TOMM70: variants seen among roughly 807,000 people sequenced by gnomAD.
TOMM70 encodes mitochondrial import receptor subunit TOM70.
Under a neutral mutation model 73.6 loss-of-function variants are expected in TOMM70, and 13 were observed. The ratio of observed to expected loss-of-function variants is 0.18; its 90% CI spans 0.11 to 0.28. The LOEUF (loss-of-function observed/expected upper bound fraction) is 0.28, where lower values mean the gene tolerates loss of function less well. Ranked by LOEUF, TOMM70 falls within the 10% of genes least tolerant of loss-of-function variation. The pLI is 1.00. For synonymous variants in TOMM70, 257 were observed against 271.2 expected, an observed-to-expected ratio of 0.95 and a Z score of 0.51; for missense variants, 609 against 747.5, an observed-to-expected ratio of 0.81 and a Z score of 2.16.
At chr3:100,376,506 T>C (rs1459959365) in intron 6 of TOMM70, among the ~76,000 whole-genome samples, 2 of 151,636 alleles carry the variant, frequency 1.3e-5, no homozygotes, top group Admixed American at 6.6e-5. Flanking sequence ...TATGACTACA[T>C]GCACATGCCA....
rs2919910 is a variant in TOMM70, at chr3:100,367,299, C to A, written c.1673+745G>T. The stretch of plus-strand genomic sequence containing the variant: ...GAAACACAATTTTTTTTTTACCAGC[C>A]TATATATATTCTGCCTACTGTAGAG... On this transcript the variant is annotated intron_variant, in intron 11 of 11. Transcript: ENST00000284320. Among the ~76,000 whole-genome samples the A allele has an allele frequency of 5.9e-5, 9 of 152,032 alleles. 1 individual carries two copies. The East Asian group carries it at 1.5e-3, about 26-fold the overall frequency.
intron 11 of TOMM70, among the ~76,000 whole-genome samples, chr3:100,367,590 AT>A (rs1411920491): frequency 3.3e-5 from 5 of 152,210 alleles, no homozygotes; most frequent in African/African-American, 1.2e-4. Flanking sequence ...CTAAAGTTTA[AT>A]ACTTGGCCTA....
intron 8 of TOMM70, 42 bp downstream of exon 8, chr3:100,373,496 A>C (rs758864336): frequency 1.3e-6 from 2 of 1,482,782 alleles, no homozygotes; most frequent in Non-Finnish European, 9.2e-7. Flanking sequence ...GCTGGAAAAT[A>C]AAAGTGATGT....
chr3:100,377,548 A>T (rs1489000780), intron 6 of TOMM70, 157 bp downstream of exon 6: 1 of 661,868 alleles, frequency 1.5e-6, no homozygotes, highest in Non-Finnish European at 2.5e-6. Context: ...TTTCAGATTC[A>T]CTGCACCAAC....
At position 100,390,956 on chromosome 3, in the gene TOMM70, G is replaced by A. The variant is rs536200214; in HGVS notation, c.325-3978C>T. 3.9e-4 allele frequency among the ~76,000 whole-genome samples: 59 copies of A among 151,322 alleles called. 1 individual carries two copies. Among genetic ancestry groups the A allele is most frequent in the Admixed American group, 1.3e-3 (20 of 15,162 alleles). On this transcript the variant is annotated intron_variant, in intron 1 of 11. Transcript: ENST00000284320. ...AGATCAAGACCATCCTGGCTAACACGGTGAAACCCCGTCTCTACTAAAAAT... is the reference window on the plus strand; with the variant it reads ...AGATCAAGACCATCCTGGCTAACACAGTGAAACCCCGTCTCTACTAAAAAT...
At chr3:100,378,101 G>A (rs377312011) in intron 5 of TOMM70, among the ~76,000 whole-genome samples, 189 bp from the exon 6 acceptor site, 29 of 152,054 alleles carry the variant, frequency 1.9e-4, no homozygotes, top group African/African-American at 6.0e-4. Context: ...AAAATTAGCC[G>A]GGCGTGGAGG....
At position 100,387,090 on chromosome 3, in the gene TOMM70, G is replaced by GT. The variant is rs1706700227; in HGVS notation, c.325-113dup. On this transcript the variant is annotated intron_variant, in intron 1 of 11. Coordinates refer to ENST00000284320, the MANE Select transcript of TOMM70 (RefSeq NM_014820.5). The stretch of plus-strand genomic sequence containing the variant: ...GGAAGACAGAATGGCTGTTTACAAT[G>GT]TAAGTTGCTTCATACAAATATCTTC... 4 of 1,108,368 alleles carry GT rather than the reference G, an allele frequency of 3.6e-6. No homozygotes were observed. In the East Asian group the frequency reaches 1.0e-4, roughly 28 times the overall value. The allele number at this position is 1,108,368 out of a possible 1,614,324, so 68.7% of individuals were successfully genotyped here.
At chr3:100,390,326 C>A (rs1706744117) in intron 1 of TOMM70, among the ~76,000 whole-genome samples, 1 of 152,074 alleles carries the variant, frequency 6.6e-6, no homozygotes, top group African/African-American at 2.4e-5. Flanking sequence ...CACTAAAATC[C>A]CATTATGAAA....
In TOMM70 at chr3:100,365,305, C is replaced by T. The variant is rs1706436874; in HGVS notation, c.*259G>A. 2.5e-6 allele frequency: 1 copy of T among 392,892 alleles called. No individual in the cohort carries two copies. Among genetic ancestry groups the T allele is most frequent in the Non-Finnish European group, 4.5e-6 (1 of 221,612 alleles). The allele number at this position is 392,892 out of a possible 1,614,324, so 24.3% of individuals were successfully genotyped here. A position where few individuals can be genotyped will look rare whatever the true frequency, so the allele number is the denominator to read the frequency against. ...TTTGCATGGCCAATTATCATTTGTA[C>T]TCTTTGCAACTTTATTTAAAAATCC... On this transcript the variant is annotated 3_prime_UTR_variant, in exon 12 of 12. Coordinates refer to ENST00000284320, the MANE Select transcript of TOMM70 (RefSeq NM_014820.5).
At position 100,377,752 on chromosome 3, in the gene TOMM70, T is replaced by G; in HGVS notation, c.1045A>C (p.Lys349Gln). 1 of 1,614,210 alleles carries G rather than the reference T, an allele frequency of 6.2e-7. No homozygotes were observed. Among genetic ancestry groups the G allele is most frequent in the South Asian group, 1.1e-5 (1 of 91,090 alleles). Residue 349 changes from lysine to glutamine, a missense_variant, in exon 6 of 12, where the codon AAA becomes CAA. Lys to Gln is a moderately conservative substitution (Grantham distance 53). Transcript: ENST00000284320. ...YLLIGNANAA[K>Q]PDLDKVISLK... The stretch of plus-strand genomic sequence containing the variant: ...CTGATGACTTTATCTAAATCTGGTT[T>G]GGCTGCATTGGCATTGCCAATAAGC...
At position 100,401,045 on chromosome 3, in the gene TOMM70, T is replaced by TGAGC. The variant is rs1706896753; in HGVS notation, c.-100_-97dup. The TGAGC allele has an allele frequency of 1.5e-6, 2 of 1,305,866 alleles. No homozygotes were observed. The highest frequency in any genetic ancestry group is 1.3e-5 in the South Asian group (1 of 77,464). 80.9% of individuals were successfully genotyped at this position (1,305,866 alleles called of 1,614,324 possible). ...AGACCGAGGGAGGGAAGGAAAGCAA[T>TGAGC]GAGCGAGCGAGCACGCTAGGCAGAG... is the stretch of plus-strand genomic sequence containing the variant. On this transcript the variant is annotated 5_prime_UTR_variant, in exon 1 of 12. Coordinates refer to ENST00000284320, the MANE Select transcript of TOMM70 (RefSeq NM_014820.5).
intron 8 of TOMM70, among the ~76,000 whole-genome samples, 165 bp downstream of exon 8, chr3:100,373,373 A>C (rs1706531537): frequency 6.6e-6 from 1 of 152,244 alleles, no homozygotes; most frequent in Non-Finnish European, 1.5e-5. Context: ...ACAAATGTCC[A>C]GAGAAATACA....
At chr3:100,387,275 C>T (rs1430186218) in intron 1 of TOMM70, among the ~76,000 whole-genome samples, 7 of 152,106 alleles carry the variant, frequency 4.6e-5, no homozygotes, top group Middle Eastern at 3.4e-3. Flanking sequence ...GTCGGAACCC[C>T]GTCTCTATTA....
At position 100,377,817 on chromosome 3, in the gene TOMM70, T is replaced by C; in HGVS notation, c.980A>G (p.Tyr327Cys). The change falls in exon 6 of 12, where the codon TAC becomes TGC. Residue 327 changes from tyrosine (Y) to cysteine (C), a missense_variant. This residue lies in a region of TOMM70 where 432 missense variants were observed against 584.1 expected (regional missense o/e 0.74). Coordinates refer to ENST00000284320, the MANE Select transcript of TOMM70 (RefSeq NM_014820.5). ...CSKEIDAEGK[Y>C]MAEALLLRAT... is the part of the protein sequence containing the mutation. Reference sequence around the variant, plus strand: ...TCGTAGTAGCAATGCTTCTGCCATGTATTTGCCTTCAGCATCTATTTCTTT... The same window carrying C: ...TCGTAGTAGCAATGCTTCTGCCATGCATTTGCCTTCAGCATCTATTTCTTT... 1 of 1,614,256 alleles carries C rather than the reference T, an allele frequency of 6.2e-7. No individual in the cohort carries two copies. Among genetic ancestry groups the C allele is most frequent in the Non-Finnish European group, 8.5e-7 (1 of 1,180,042 alleles).
intron 1 of TOMM70, among the ~76,000 whole-genome samples, chr3:100,392,743 A>G (rs902028116): frequency 6.6e-6 from 1 of 152,148 alleles, no homozygotes; most frequent in Non-Finnish European, 1.5e-5. Context: ...GAACTAGAAT[A>G]GACATAAAAA....
chr3:100,392,963 G>A (rs2148894429), intron 1 of TOMM70, among the ~76,000 whole-genome samples: 1 of 151,962 alleles, frequency 6.6e-6, no homozygotes, highest in African/African-American at 2.4e-5. Flanking sequence ...GGTCACCTGA[G>A]GTCAGGAGTT....
intron 7 of TOMM70, among the ~76,000 whole-genome samples, 179 bp downstream of exon 7, chr3:100,374,839 G>C (rs886980818): frequency 6.6e-6 from 1 of 152,094 alleles, no homozygotes; most frequent in Non-Finnish European, 1.5e-5. Context: ...CAAAATTAAA[G>C]ACAAATATTC....
In TOMM70 at chr3:100,401,032, G is replaced by T; in HGVS notation, c.-83C>A. The stretch of plus-strand genomic sequence containing the variant: ...AGCGTGCGAAGGAAGACCGAGGGAG[G>T]GAAGGAAAGCAATGAGCGAGCGAGC... On this transcript the variant is annotated 5_prime_UTR_variant, in exon 1 of 12. Transcript: ENST00000284320. The T allele has an allele frequency of 7.1e-7, 1 of 1,399,322 alleles. No individual in the cohort carries two copies. The highest frequency in any genetic ancestry group is 9.7e-7 in the Non-Finnish European group (1 of 1,031,788). 86.7% of individuals were successfully genotyped at this position (1,399,322 alleles called of 1,614,324 possible).
chr3:100,370,544 G>C (rs1019405112), intron 9 of TOMM70, among the ~76,000 whole-genome samples: 5 of 152,104 alleles, frequency 3.3e-5, no homozygotes, highest in African/African-American at 1.2e-4. Flanking sequence ...GAAATGGAAG[G>C]CACAGTTCTG....
Sources: gnomAD v4.1 joint callset for allele counts (sites outside exome capture counted in the v4.1 genomes callset) on GRCh38, gnomAD v4.1.1 for gene constraint, gnomAD v4.1.1 regional missense constraint, MANE v1.5 for transcripts, NCBI Gene and HGNC (gene_info 2026-07-23, HGNC 2026-07-21) for gene names.